NUP35: variants seen among roughly 807,000 people sequenced by gnomAD.
NUP35 encodes nucleoporin 35.
In NUP35, 25 loss-of-function variants were observed where a neutral mutation model predicts 41.5. The observed-to-expected ratio is 0.60, with a 90% confidence interval of 0.44 to 0.84. The LOEUF is 0.84. NUP35 is among the 40% of genes least tolerant of loss of function. NUP35 has a pLI of 0.00. For synonymous variants in NUP35, 149 were observed against 130.7 expected (o/e 1.14, Z -0.96); for missense variants, 396 against 396.6 (o/e 1.00, Z 0.01).
At chr2:183,137,478 C>T (rs115815327) in intron 4 of NUP35, among the ~76,000 whole-genome samples, 4,344 of 152,036 alleles carry the variant, frequency 0.029, 198 homozygotes, top group African/African-American at 0.096. Flanking sequence ...CCAGCCACCT[C>T]GGATGCTGGG....
chr2:183,122,056 G>C (rs1700076158), upstream of NUP35, among the ~76,000 whole-genome samples: 1 of 150,682 alleles, frequency 6.6e-6, no homozygotes, highest in Non-Finnish European at 1.5e-5. Flanking sequence ...TTAATAGTTT[G>C]GTGCAAATCT....
rs770009329 is a variant in NUP35 at position 183,137,670 on chromosome 2, A to G, written c.397+4047A>G. On this transcript the variant is annotated intron_variant, in intron 4 of 8. Transcript: ENST00000295119. The stretch of plus-strand genomic sequence containing the variant: ...GAGTGTGGCATGGTGGCACATGCCT[A>G]TAATTCCAGCGCTATGGGAGGTCAA... Among the ~76,000 whole-genome samples the G allele has an allele frequency of 4.6e-5, 7 of 152,178 alleles. No individual in the cohort carries two copies. The East Asian group carries it at 5.8e-4, about 13-fold the overall frequency.
upstream of NUP35, among the ~76,000 whole-genome samples, chr2:183,122,184 C>T (rs920601087): frequency 1.3e-4 from 20 of 151,884 alleles, no homozygotes; most frequent in Admixed American, 7.2e-4. Flanking sequence ...TCAAGCGATT[C>T]TCCTGCCTCA....
Position 183,158,423 on chromosome 2 carries a change from G to A in NUP35, c.738+12G>A, listed in dbSNP as rs3748881. 0.055 allele frequency: 86,781 copies of A among 1,585,430 alleles called. 3,068 individuals carry two copies. Among genetic ancestry groups the A allele is most frequent in the South Asian group, 0.14 (12,377 of 86,064 alleles). ...CATGTATTGACAAAGTAAGTTATTG[G>A]TGATGTAGGCAAAGTAGCTTAATCT... On this transcript the variant is annotated intron_variant, in intron 7 of 8. Transcript: ENST00000295119.
At position 183,161,066 on chromosome 2, in the gene NUP35, A is replaced by T; in HGVS notation, c.916A>T (p.Arg306Ter). ...STSDYQVISD[R>*]QTPKKDESLV... is the part of the protein sequence containing the mutation. ...TGTTTTTTAATAGGTTATTTCTGAC[A>T]GACAAACGCCAAAAAAAGATGAAAG... is the stretch of plus-strand genomic sequence containing the variant. Residue 306 changes from arginine (R) to a stop codon, truncating the protein, a stop_gained, in exon 9 of 9, where the codon AGA becomes TGA. Transcript: ENST00000295119. LOFTEE classifies it high-confidence loss of function. 6.2e-7 allele frequency: 1 copy of T among 1,612,956 alleles called. No individual in the cohort carries two copies. The highest frequency in any genetic ancestry group is 8.5e-7 in the Non-Finnish European group (1 of 1,179,200).
chr2:183,154,671 T>G (rs1355598914), intron 5 of NUP35, among the ~76,000 whole-genome samples: 4 of 152,210 alleles, frequency 2.6e-5, no homozygotes, highest in Non-Finnish European at 5.9e-5. Flanking sequence ...AACAAGTCTC[T>G]GGGAGGTTCC....
chr2:183,152,063 A>G (rs16824056), intron 5 of NUP35, among the ~76,000 whole-genome samples: 12,258 of 151,108 alleles, frequency 0.081, 657 homozygotes, highest in Non-Finnish European at 0.11. Context: ...GGTTCTCTAC[A>G]TCTAGTGGAA....
chr2:183,143,912 G>A (rs1274696438), intron 4 of NUP35, among the ~76,000 whole-genome samples: 3 of 152,146 alleles, frequency 2.0e-5, no homozygotes, highest in Admixed American at 2.0e-4. Context: ...GTGCCATACT[G>A]CAAAGTCTGA....
At chr2:183,158,925 C>A (rs1685770470) in intron 7 of NUP35, among the ~76,000 whole-genome samples, 1 of 151,996 alleles carries the variant, frequency 6.6e-6, no homozygotes, top group African/African-American at 2.4e-5. Context: ...TTAAACTGTT[C>A]TTTGTGGCTT....
intron 5 of NUP35, among the ~76,000 whole-genome samples, chr2:183,156,426 C>CG (rs1685669233): frequency 6.6e-6 from 1 of 152,142 alleles, no homozygotes; most frequent in Non-Finnish European, 1.5e-5. Flanking sequence ...TGCAACCTTT[C>CG]CTTCCCAGGT....
intron 4 of NUP35, among the ~76,000 whole-genome samples, chr2:183,138,269 A>ATAT: frequency 1.9e-4 from 15 of 80,696 alleles, no homozygotes; most frequent in East Asian, 3.5e-4. Context: ...ATATATATAT[A>ATAT]TTTTTTTTTT....
intron 6 of NUP35, 55 bp downstream of exon 6, chr2:183,157,568 A>T (rs1280910764): frequency 4.2e-6 from 5 of 1,191,766 alleles, no homozygotes; most frequent in Non-Finnish European, 6.1e-6. Flanking sequence ...ATAAGTTGTG[A>T]ATTGAGAGAA....
At chr2:183,144,645 G>A (rs934280422) in intron 4 of NUP35, among the ~76,000 whole-genome samples, 1 of 152,152 alleles carries the variant, frequency 6.6e-6, no homozygotes, top group Non-Finnish European at 1.5e-5. Context: ...TTTGAATAGT[G>A]ATTTACTCAG....
chr2:183,156,622 G>C (rs1024674630), intron 5 of NUP35, among the ~76,000 whole-genome samples: 2 of 152,090 alleles, frequency 1.3e-5, no homozygotes, highest in Non-Finnish European at 2.9e-5. Context: ...TGGTATTACA[G>C]GTGTGAGCCA....
At chr2:183,139,801 A>G (rs1014093215) in intron 4 of NUP35, among the ~76,000 whole-genome samples, 11 of 152,244 alleles carry the variant, frequency 7.2e-5, no homozygotes, top group South Asian at 2.1e-4. Context: ...TGCAGCAGGC[A>G]TGCCACCTTG....
chr2:183,127,343 C>G (rs1184894158), intron 1 of NUP35, among the ~76,000 whole-genome samples: 2 of 151,258 alleles, frequency 1.3e-5, no homozygotes, highest in African/African-American at 4.9e-5. Flanking sequence ...GTCTTGAACT[C>G]CTGAGCTCAA....
At position 183,159,640 on chromosome 2, in the gene NUP35, T is replaced by G. The variant is rs779608079; in HGVS notation, c.891T>G (p.Thr297=). ...TTGCTACAGCATACAAAGCCTCTAC[T>G]AGTGATTATCAGGTATTTTAAGGAT... ...RPLATAYKAS[T]SDYQVISDRQ... Residue 297 remains threonine (T), a synonymous_variant, in exon 8 of 9, where the codon ACT becomes ACG. Transcript: ENST00000295119. 6.2e-7 allele frequency: 1 copy of G among 1,611,806 alleles called. No individual in the cohort carries two copies. Among genetic ancestry groups the G allele is most frequent in the African/African-American group, 1.3e-5 (1 of 74,876 alleles).
intron 4 of NUP35, among the ~76,000 whole-genome samples, chr2:183,144,342 G>T (rs34743637): frequency 0.16 from 24,462 of 152,162 alleles, 2,300 homozygotes; most frequent in African/African-American, 0.25. Context: ...CAATCAGGTG[G>T]TTGAGTTCAG....
chr2:183,159,722 T>C, intron 8 of NUP35, 70 bp downstream of exon 8: 1 of 1,135,818 alleles, frequency 8.8e-7, no homozygotes, highest in African/African-American at 1.6e-5. Flanking sequence ...AACTTTTTCA[T>C]TGTATTGATT....
Sources: gnomAD v4.1 joint callset for allele counts (sites outside exome capture counted in the v4.1 genomes callset) on GRCh38, gnomAD v4.1.1 for gene constraint, MANE v1.5 for transcripts, NCBI Gene and HGNC (gene_info 2026-07-23, HGNC 2026-07-21) for gene names.